Variants in PACRG observed in about 807,000 individuals in gnomAD.
PACRG encodes the protein parkin coregulated.
In PACRG, 29 loss-of-function variants were observed where a neutral mutation model predicts 29.7. The observed-to-expected ratio is 0.98, with a 90% confidence interval of 0.73 to 1.33. The LOEUF (loss-of-function observed/expected upper bound fraction) is 1.33, where lower values mean the gene tolerates loss of function less well. Ranked by LOEUF, PACRG falls within the 40% of genes most tolerant of loss-of-function variation. PACRG has a pLI of 0.00. For synonymous variants in PACRG, 116 were observed against 118.7 expected, an observed-to-expected ratio of 0.98 and a Z score of 0.15; for missense variants, 279 against 316.2, an observed-to-expected ratio of 0.88 and a Z score of 0.89.
chr6:163,281,983 A>G (rs1784240378), intron 4 of PACRG, among the ~76,000 whole-genome samples: 1 of 152,256 alleles, frequency 6.6e-6, no homozygotes, highest in Non-Finnish European at 1.5e-5. Context: ...AGAATCTTTA[A>G]AAATAATGTA....
In PACRG at chr6:162,912,937, C is replaced by A. The variant is rs1357636916; in HGVS notation, c.291+98656C>A. On this transcript the variant is annotated intron_variant, in intron 2 of 4. Transcript: ENST00000366888. Reference sequence around the variant, plus strand: ...AACAAACAAACAAAAAAAAAAAAAACAAAATTGGATTGGAAAGCTACCATT... The same window carrying A: ...AACAAACAAACAAAAAAAAAAAAAAAAAAATTGGATTGGAAAGCTACCATT... Among the ~76,000 whole-genome samples, 501 of 146,934 alleles carry A rather than the reference C, an allele frequency of 3.4e-3. 2 individuals are homozygous for A. Among genetic ancestry groups the A allele is most frequent in the African/African-American group, 0.011 (442 of 40,606 alleles).
At chr6:163,312,953 C>T (rs1785492035) in intron 4 of PACRG, 3 of 246,506 alleles carry the variant, frequency 1.2e-5, no homozygotes, top group Non-Finnish European at 2.4e-5. Context: ...TGGGGTCTTG[C>T]TGTTGTTGCT....
chr6:162,925,198 G>A (rs1212918886), intron 2 of PACRG, among the ~76,000 whole-genome samples: 3 of 152,054 alleles, frequency 2.0e-5, no homozygotes, highest in African/African-American at 7.2e-5. Flanking sequence ...TAAAAGTCCA[G>A]GACCAGATGG....
At chr6:163,004,726 G>GTGTGTA (rs1397778335) in intron 2 of PACRG, among the ~76,000 whole-genome samples, 3 of 136,048 alleles carry the variant, frequency 2.2e-5, no homozygotes, top group East Asian at 4.2e-4. Flanking sequence ...GTGTGTGTGT[G>GTGTGTA]TATATATATA....
At chr6:163,273,889 G>C (rs1783932427) in intron 4 of PACRG, among the ~76,000 whole-genome samples, 2 of 151,962 alleles carry the variant, frequency 1.3e-5, no homozygotes, top group Admixed American at 1.3e-4. Flanking sequence ...CTAACTTTTT[G>C]AGTTAGTTTA....
At chr6:162,998,784 A>G (rs1804317196) in intron 2 of PACRG, among the ~76,000 whole-genome samples, 2 of 152,208 alleles carry the variant, frequency 1.3e-5, no homozygotes, top group South Asian at 2.1e-4. Flanking sequence ...TTTCCATCCT[A>G]TATGTTATAT....
chr6:162,900,620 C>T (rs1795491696), intron 2 of PACRG, among the ~76,000 whole-genome samples: 1 of 152,166 alleles, frequency 6.6e-6, no homozygotes, highest in Non-Finnish European at 1.5e-5. Context: ...GTGAGGGCCC[C>T]CGAGCTGCCA....
intron 4 of PACRG, among the ~76,000 whole-genome samples, chr6:163,314,297 C>A (rs74539622): frequency 0.021 from 3,125 of 152,290 alleles, 50 homozygotes; most frequent in Non-Finnish European, 0.027. Flanking sequence ...CCCACCTGCA[C>A]CTGGAATGAG....
intron 1 of PACRG, among the ~76,000 whole-genome samples, chr6:162,778,100 G>A (rs1322868608): frequency 6.6e-6 from 1 of 152,186 alleles, no homozygotes; most frequent in Non-Finnish European, 1.5e-5. Context: ...TTTGCCATAT[G>A]AATGAAGGTT....
At chr6:163,108,959 C>T (rs1395694263) in intron 4 of PACRG, among the ~76,000 whole-genome samples, 2 of 152,080 alleles carry the variant, frequency 1.3e-5, no homozygotes, top group Non-Finnish European at 2.9e-5. Context: ...TCGCTTGTTT[C>T]TTCAGGATAA....
chr6:163,064,609 A>G (rs1811375046), intron 3 of PACRG, among the ~76,000 whole-genome samples: 1 of 152,216 alleles, frequency 6.6e-6, no homozygotes, highest in African/African-American at 2.4e-5. Flanking sequence ...TTACTTATGT[A>G]AGGTCATGCA....
intron 4 of PACRG, among the ~76,000 whole-genome samples, chr6:163,140,189 A>G (rs1585258813): frequency 6.6e-6 from 1 of 152,218 alleles, no homozygotes; most frequent in Admixed American, 6.5e-5. Context: ...TGGATAAACC[A>G]TTGCGACAGA....
At chr6:162,745,233 A>G (rs1780896896) in intron 1 of PACRG, among the ~76,000 whole-genome samples, 1 of 152,200 alleles carries the variant, frequency 6.6e-6, no homozygotes, top group Non-Finnish European at 1.5e-5. Context: ...TATCCTTTGC[A>G]AGGACACAGA....
chr6:162,833,791 C>A (rs1788983392), intron 2 of PACRG, among the ~76,000 whole-genome samples: 1 of 151,892 alleles, frequency 6.6e-6, no homozygotes, highest in Admixed American at 6.6e-5. Context: ...AACAGTTTTA[C>A]TTTTACTGAT....
chr6:162,992,899 C>T (rs921703264), intron 2 of PACRG, among the ~76,000 whole-genome samples: 2 of 151,810 alleles, frequency 1.3e-5, no homozygotes, highest in African/African-American at 4.8e-5. Context: ...TTTCCCTCTA[C>T]ACACTGCTTT....
chr6:163,052,522 G>A (rs976202929), intron 2 of PACRG, among the ~76,000 whole-genome samples: 5 of 152,072 alleles, frequency 3.3e-5, no homozygotes, highest in Non-Finnish European at 7.4e-5. Context: ...TCCACATGTC[G>A]AGGGAGGAAC....
chr6:163,002,055 A>G (rs1450947334), intron 2 of PACRG, among the ~76,000 whole-genome samples: 1 of 152,220 alleles, frequency 6.6e-6, no homozygotes, highest in Non-Finnish European at 1.5e-5. Context: ...TATTGAGAAC[A>G]TTTTTTACTC....
At position 163,076,949 on chromosome 6, in the gene PACRG, T is replaced by C. The variant is rs147685045; in HGVS notation, c.464-12310T>C. Among the ~76,000 whole-genome samples, 11 of 152,336 alleles carry C rather than the reference T, an allele frequency of 7.2e-5. No homozygotes were observed. In the East Asian group the frequency reaches 1.9e-3, roughly 27 times the overall value. Reference sequence around the variant, plus strand: ...AGTAATACATCCCCACAGCATCTAATGTCCTGGCTAGTACACAAGAGATGC... The same window carrying C: ...AGTAATACATCCCCACAGCATCTAACGTCCTGGCTAGTACACAAGAGATGC... On this transcript the variant is annotated intron_variant, in intron 3 of 4. Coordinates refer to ENST00000366888, the MANE Select transcript of PACRG (RefSeq NM_001080379.2).
At chr6:163,067,553 G>A (rs1811666096) in intron 3 of PACRG, among the ~76,000 whole-genome samples, 1 of 152,276 alleles carries the variant, frequency 6.6e-6, no homozygotes, top group African/African-American at 2.4e-5. Context: ...CTTTCAGTAA[G>A]GCAATCTTTT....
Sources: gnomAD v4.1 joint callset for allele counts (sites outside exome capture counted in the v4.1 genomes callset) on GRCh38, gnomAD v4.1.1 for gene constraint, MANE v1.5 for transcripts, NCBI Gene and HGNC (gene_info 2026-07-23, HGNC 2026-07-21) for gene names.